Variants in TPO observed in about 807,000 individuals in gnomAD.
TPO encodes the protein thyroid peroxidase.
In TPO, 78 loss-of-function variants were observed where a neutral mutation model predicts 96.9. That is an observed-to-expected ratio of 0.81 (90% CI 0.67 to 0.97). The LOEUF (loss-of-function observed/expected upper bound fraction) is 0.97, where lower values mean the gene tolerates loss of function less well. TPO is among the 50% of genes least tolerant of loss of function. TPO has a pLI of 0.00. For synonymous variants in TPO, 547 were observed against 538.0 expected, an observed-to-expected ratio of 1.02 and a Z score of -0.23; for missense variants, 1,252 against 1,274.8, an observed-to-expected ratio of 0.98 and a Z score of 0.27.
intron 10 of TPO, among the ~76,000 whole-genome samples, chr2:1,489,865 A>G (rs1671551053): frequency 6.6e-6 from 1 of 152,254 alleles, no homozygotes; most frequent in Non-Finnish European, 1.5e-5. Flanking sequence ...CGCCCAGGAC[A>G]GTAGAGTCAA....
At chr2:1,510,702 C>G (rs1052341729) in intron 14 of TPO, among the ~76,000 whole-genome samples, 1 of 152,142 alleles carries the variant, frequency 6.6e-6, no homozygotes. Context: ...ATGCCTGCAC[C>G]GTGACCGGGG....
chr2:1,453,986 A>G (rs1291605945), intron 6 of TPO, among the ~76,000 whole-genome samples, 163 bp downstream of exon 6: 1 of 152,202 alleles, frequency 6.6e-6, no homozygotes, highest in Non-Finnish European at 1.5e-5. Context: ...TTTCTGCCCT[A>G]TGGCTTAGGA....
At chr2:1,392,685 C>G (rs1662021191) in intron 1 of TPO, among the ~76,000 whole-genome samples, 1 of 152,250 alleles carries the variant, frequency 6.6e-6, no homozygotes, top group African/African-American at 2.4e-5. Flanking sequence ...TGTTATTGGT[C>G]TGTTCGGAGA....
At chr2:1,389,365 G>A (rs918648041) in intron 1 of TPO, among the ~76,000 whole-genome samples, 1 of 152,156 alleles carries the variant, frequency 6.6e-6, no homozygotes, top group Non-Finnish European at 1.5e-5. Flanking sequence ...ATCTTCCTGG[G>A]CAAGTGTTTC....
chr2:1,529,893 C>A (rs1431417635), intron 15 of TPO, among the ~76,000 whole-genome samples: 1 of 38,264 alleles, frequency 2.6e-5, no homozygotes. Context: ...CCTCAAATCC[C>A]TCCCACTCTG....
intron 7 of TPO, among the ~76,000 whole-genome samples, chr2:1,464,811 A>C (rs765451841): frequency 3.9e-5 from 6 of 152,130 alleles, no homozygotes; most frequent in Non-Finnish European, 8.8e-5. Flanking sequence ...CCTTTGTCAG[A>C]TGTGTGGATT....
intron 5 of TPO, among the ~76,000 whole-genome samples, chr2:1,449,742 T>C (rs1215125842): frequency 2.0e-5 from 3 of 152,162 alleles, no homozygotes; most frequent in African/African-American, 4.8e-5. Flanking sequence ...GCAGAACATA[T>C]GATGGGTATA....
chr2:1,497,037 T>C (rs1211955849), intron 13 of TPO, among the ~76,000 whole-genome samples: 1 of 152,024 alleles, frequency 6.6e-6, no homozygotes, highest in East Asian at 1.9e-4. Context: ...GTCCGTGAGT[T>C]CCAGGCAAAG....
intron 16 of TPO, 48 bp from the exon 17 acceptor site, chr2:1,542,373 A>T (rs1215902008): frequency 6.2e-7 from 1 of 1,611,156 alleles, no homozygotes; most frequent in African/African-American, 1.3e-5. Flanking sequence ...CTGTTACTGG[A>T]GCAGTCAGAA....
Position 1,485,072 on chromosome 2 carries a change from G to A in TPO, c.1597+218G>A, listed in dbSNP as rs146412436. The stretch of plus-strand genomic sequence containing the variant: ...TCCCTCCCCCTGACCCCCACCCCAC[G>A]ACAGACGGGATATGATGATCCCCGC... On this transcript the variant is annotated intron_variant, in intron 9 of 16. Transcript: ENST00000329066. Among the ~76,000 whole-genome samples, 790 of 116,750 alleles carry A rather than the reference G, an allele frequency of 6.8e-3. 6 individuals are homozygous for A. Among genetic ancestry groups the A allele is most frequent in the African/African-American group, 0.024 (731 of 30,118 alleles). 76.6% of individuals were successfully genotyped at this position (116,750 alleles called of 152,430 possible).
chr2:1,493,766 C>T (rs758661402), intron 10 of TPO, 36 bp from the exon 11 acceptor site: 2 of 1,611,636 alleles, frequency 1.2e-6, no homozygotes, highest in Admixed American at 1.7e-5. Context: ...AAGTTCAGTT[C>T]TGTGAGAGAA....
chr2:1,463,416 T>G (rs764448684), intron 7 of TPO, among the ~76,000 whole-genome samples: 1 of 152,214 alleles, frequency 6.6e-6, no homozygotes, highest in Non-Finnish European at 1.5e-5. Context: ...CAGTTTGGTC[T>G]CTGAGTATTT....
At chr2:1,505,712 ATCC>A (rs1336431672) in intron 14 of TPO, among the ~76,000 whole-genome samples, 1 of 151,794 alleles carries the variant, frequency 6.6e-6, no homozygotes, top group African/African-American at 2.4e-5. Context: ...CTATTGACCC[ATCC>A]TCTAAGTTCC....
At chr2:1,443,984 T>A (rs1473343966) in intron 5 of TPO, among the ~76,000 whole-genome samples, 15 of 133,768 alleles carry the variant, frequency 1.1e-4, no homozygotes, top group African/African-American at 4.4e-4. Flanking sequence ...CTCGTTCTTG[T>A]TTGTATGATC....
At chr2:1,530,928 C>G (rs1328382640) in intron 15 of TPO, among the ~76,000 whole-genome samples, 1 of 111,346 alleles carries the variant, frequency 9.0e-6, no homozygotes, top group South Asian at 3.6e-4. Flanking sequence ...CTCTGTGCGA[C>G]CTCCCCAAAT....
At chr2:1,491,501 A>G (rs1304451336) in intron 10 of TPO, among the ~76,000 whole-genome samples, 4 of 152,240 alleles carry the variant, frequency 2.6e-5, no homozygotes, top group African/African-American at 7.2e-5. Flanking sequence ...CAGTTTGACA[A>G]TGGTCTAAAT....
intron 1 of TPO, among the ~76,000 whole-genome samples, chr2:1,385,436 G>C (rs1005273494): frequency 6.6e-6 from 1 of 152,102 alleles, no homozygotes; most frequent in African/African-American, 2.4e-5. Context: ...GTTTAGTCTT[G>C]GGAGAATGTG....
chr2:1,463,166 T>A (rs2148625047), intron 7 of TPO, among the ~76,000 whole-genome samples: 1 of 152,292 alleles, frequency 6.6e-6, no homozygotes, highest in Non-Finnish European at 1.5e-5. Context: ...TCCAGGGCAC[T>A]TTCCAGGGCT....
intron 15 of TPO, among the ~76,000 whole-genome samples, chr2:1,521,459 G>A (rs541168204): frequency 6.6e-6 from 1 of 152,120 alleles, no homozygotes; most frequent in Non-Finnish European, 1.5e-5. Flanking sequence ...GTGACCGGGT[G>A]CCCTCTTCCC....
Sources: allele counts gnomAD v4.1 joint callset (sites outside exome capture counted in the v4.1 genomes callset), GRCh38; gene constraint gnomAD v4.1.1; transcripts MANE v1.5; gene names NCBI Gene and HGNC (gene_info 2026-07-23, HGNC 2026-07-21).